SLIT2: variants seen among roughly 807,000 people sequenced by gnomAD.
SLIT2 encodes the protein slit guidance ligand 2, also known as slit homolog 2 protein.
Under a neutral mutation model 185.7 loss-of-function variants are expected in SLIT2, and 41 were observed. The ratio of observed to expected loss-of-function variants is 0.22; its 90% CI spans 0.17 to 0.29. SLIT2 has a LOEUF of 0.29. Ranked by LOEUF, SLIT2 falls within the 10% of genes least tolerant of loss-of-function variation. The pLI is 1.00. For missense variants in SLIT2, 1,571 were observed against 1,909.0 expected (o/e 0.82, Z 3.30); for synonymous variants, 693 against 680.2 (o/e 1.02, Z -0.29).
intron 4 of SLIT2, among the ~76,000 whole-genome samples, chr4:20,379,575 G>C (rs979438878): frequency 1.3e-5 from 2 of 152,110 alleles, no homozygotes; most frequent in Non-Finnish European, 2.9e-5. Context: ...TAGCCACTGT[G>C]AATGTGTGTT....
Position 20,533,655 on chromosome 4 carries a change from G to A in SLIT2, c.1772G>A (p.Ser591Asn). 6.2e-7 allele frequency: 1 copy of A among 1,613,436 alleles called. No individual in the cohort carries two copies. Among genetic ancestry groups the A allele is most frequent in the Non-Finnish European group, 8.5e-7 (1 of 1,179,358 alleles). ...GGTGTAAATGAAATACTTCTTACGA[G>A]TAATCGTTTGGAAAATGTGCAGCAT... ...ASGVNEILLT[S>N]NRLENVQHKM... The change falls in exon 18 of 37, where the codon AGT (serine) becomes AAT (asparagine). Residue 591 changes from serine (S) to asparagine (N), a missense_variant. Around this residue, in one of 3 missense-constraint regions of SLIT2, gnomAD observed 1,202 missense variants for 1,416.4 expected, o/e 0.85. Coordinates refer to ENST00000504154, the MANE Select transcript of SLIT2 (RefSeq NM_004787.4).
chr4:20,591,904 C>T (rs1241115984), intron 30 of SLIT2, among the ~76,000 whole-genome samples: 1 of 152,090 alleles, frequency 6.6e-6, no homozygotes, highest in Non-Finnish European at 1.5e-5. Flanking sequence ...AATATCTCCT[C>T]TCGCCATCAA....
chr4:20,445,805 A>G (rs945275745), intron 4 of SLIT2, among the ~76,000 whole-genome samples: 6 of 152,148 alleles, frequency 3.9e-5, no homozygotes, highest in African/African-American at 1.4e-4. Context: ...AGTTTTACCA[A>G]TTACTACCTC....
intron 33 of SLIT2, among the ~76,000 whole-genome samples, chr4:20,604,648 A>G (rs1011204269): frequency 6.6e-6 from 1 of 151,896 alleles, no homozygotes; most frequent in Non-Finnish European, 1.5e-5. Flanking sequence ...CGCCCAGCCT[A>G]CATAGATATC....
At chr4:20,366,886 C>T (rs894855543) in intron 4 of SLIT2, among the ~76,000 whole-genome samples, 1 of 152,016 alleles carries the variant, frequency 6.6e-6, no homozygotes. Flanking sequence ...CAGCCTCAAC[C>T]TCCTGGGCTC....
chr4:20,257,852 A>T lies in SLIT2; in HGVS notation c.252-16A>T, dbSNP rs1361534133. 7.3e-6 allele frequency: 10 copies of T among 1,378,762 alleles called. No individual in the cohort carries two copies. Among genetic ancestry groups the T allele is most frequent in the Non-Finnish European group, 1.0e-6 (1 of 973,084 alleles). 85.4% of individuals were successfully genotyped at this position (1,378,762 alleles called of 1,614,324 possible). Reference sequence around the variant, plus strand: ...GAGTGGTAACATTAAGAAGCATGTTATATTTTGCATTTCAGTCAGCTTATG... The same window carrying T: ...GAGTGGTAACATTAAGAAGCATGTTTTATTTTGCATTTCAGTCAGCTTATG... On this transcript the variant is annotated splice_polypyrimidine_tract_variant and intron_variant, in intron 2 of 36. Coordinates refer to ENST00000504154, the MANE Select transcript of SLIT2 (RefSeq NM_004787.4).
At chr4:20,596,380 G>A (rs111792612) in intron 31 of SLIT2, 35 bp from the exon 32 acceptor site, 26 of 1,600,200 alleles carry the variant, frequency 1.6e-5, no homozygotes, top group African/African-American at 6.7e-5. Context: ...AAGTAAAATC[G>A]TATTAACTAA....
intron 15 of SLIT2, among the ~76,000 whole-genome samples, chr4:20,526,883 C>T (rs940284123): frequency 6.6e-6 from 1 of 152,090 alleles, no homozygotes; most frequent in African/African-American, 2.4e-5. Context: ...ATTACTGTTC[C>T]GTTGAATGCA....
chr4:20,481,135 A>G (rs954687610), intron 6 of SLIT2, among the ~76,000 whole-genome samples: 13 of 152,210 alleles, frequency 8.5e-5, no homozygotes, highest in African/African-American at 2.9e-4. Context: ...ATCTTGGAAT[A>G]ATTTGTCGTT....
At chr4:20,280,824 TA>T (rs565235182) in intron 4 of SLIT2, among the ~76,000 whole-genome samples, 4 of 150,494 alleles carry the variant, frequency 2.7e-5, no homozygotes, top group Non-Finnish European at 5.9e-5. Context: ...AGGCTTATAT[TA>T]AAAAAATGTT....
At chr4:20,283,017 A>G (rs866062261) in intron 4 of SLIT2, among the ~76,000 whole-genome samples, 8 of 152,176 alleles carry the variant, frequency 5.3e-5, no homozygotes, top group African/African-American at 1.7e-4. Context: ...GAGAAATAGA[A>G]GAACTTAGAA....
At chr4:20,551,910 A>G (rs1483840994) in intron 25 of SLIT2, among the ~76,000 whole-genome samples, 4 of 152,196 alleles carry the variant, frequency 2.6e-5, no homozygotes, top group Admixed American at 6.6e-5. Flanking sequence ...TGAAGATCCA[A>G]TGTTCAATCA....
At chr4:20,521,661 C>A (rs1720851018) in intron 12 of SLIT2, among the ~76,000 whole-genome samples, 1 of 152,070 alleles carries the variant, frequency 6.6e-6, no homozygotes, top group Admixed American at 6.6e-5. Flanking sequence ...TGTCACCCAC[C>A]ATTTCTTGAA....
intron 4 of SLIT2, among the ~76,000 whole-genome samples, chr4:20,424,617 A>T (rs530649096): frequency 6.6e-6 from 1 of 152,226 alleles, no homozygotes; most frequent in African/African-American, 2.4e-5. Flanking sequence ...ATTCCATAGA[A>T]ATCTATTTTC....
At chr4:20,618,688 T>G in intron 36 of SLIT2, 80 bp from the exon 37 acceptor site, 1 of 1,415,062 alleles carries the variant, frequency 7.1e-7, no homozygotes, top group Non-Finnish European at 9.5e-7. Context: ...GGCTTCTGAA[T>G]TAAGTTGTGG....
At chr4:20,256,160 G>A (rs575273420) in intron 1 of SLIT2, among the ~76,000 whole-genome samples, 1 of 152,280 alleles carries the variant, frequency 6.6e-6, no homozygotes, top group East Asian at 1.9e-4. Context: ...GCAAGTCTTT[G>A]AAGTGCAGTT....
intron 18 of SLIT2, among the ~76,000 whole-genome samples, chr4:20,533,953 A>G (rs1722041739): frequency 6.7e-6 from 1 of 148,378 alleles, no homozygotes; most frequent in Admixed American, 6.7e-5. Context: ...ACACACACAC[A>G]CACGTATTGT....
At chr4:20,259,584 G>C (rs1168006920) in intron 3 of SLIT2, among the ~76,000 whole-genome samples, 1 of 151,752 alleles carries the variant, frequency 6.6e-6, no homozygotes, top group Non-Finnish European at 1.5e-5. Context: ...AGTCACTTCA[G>C]AGTGTTGTCT....
intron 24 of SLIT2, among the ~76,000 whole-genome samples, chr4:20,550,447 G>A (rs575175848): frequency 3.1e-4 from 47 of 151,396 alleles, no homozygotes; most frequent in African/African-American, 1.1e-3. Flanking sequence ...TTCTTATATG[G>A]AATATTTTAT....
Sources: gnomAD v4.1 joint callset for allele counts (sites outside exome capture counted in the v4.1 genomes callset) on GRCh38, gnomAD v4.1.1 for gene constraint, gnomAD v4.1.1 regional missense constraint, MANE v1.5 for transcripts, NCBI Gene and HGNC (gene_info 2026-07-23, HGNC 2026-07-21) for gene names.